The following DDAH1 variants were observed in gnomAD, a reference collection of about 807,000 sequenced individuals.
The protein encoded by DDAH1 is N(G),N(G)-dimethylarginine dimethylaminohydrolase 1.
In DDAH1, 19 loss-of-function variants were observed where a neutral mutation model predicts 28.8. That is an observed-to-expected ratio of 0.66 (90% CI 0.46 to 0.97). The LOEUF is 0.97. DDAH1 is among the 50% of genes least tolerant of loss of function. The pLI is 0.00. For synonymous variants in DDAH1, 153 were observed against 154.4 expected, an observed-to-expected ratio of 0.99 and a Z score of 0.07; for missense variants, 326 against 375.9, an observed-to-expected ratio of 0.87 and a Z score of 1.10.
intron 1 of DDAH1, among the ~76,000 whole-genome samples, chr1:85,570,934 A>G (rs1659437478): frequency 6.6e-6 from 1 of 152,204 alleles, no homozygotes. Context: ...AACTCAAGGA[A>G]TTAGGACTGT....
intron 4 of DDAH1, among the ~76,000 whole-genome samples, chr1:85,344,444 G>A (rs1254710877): frequency 6.6e-6 from 1 of 152,190 alleles, no homozygotes; most frequent in Non-Finnish European, 1.5e-5. Flanking sequence ...GCACAGTCCT[G>A]TAGCCGGTCA....
intron 2 of DDAH1, among the ~76,000 whole-genome samples, chr1:85,475,289 T>TCAACAAAC (rs1229654204): frequency 1.3e-5 from 2 of 152,190 alleles, no homozygotes; most frequent in African/African-American, 4.8e-5. Flanking sequence ...TAGCAAGTGC[T>TCAACAAAC]CAACAAACGT....
intron 1 of DDAH1, among the ~76,000 whole-genome samples, chr1:85,524,162 G>A (rs1157511991): frequency 6.6e-6 from 1 of 152,006 alleles, no homozygotes; most frequent in Non-Finnish European, 1.5e-5. Context: ...GGAGATAAGT[G>A]GTGTGTACAC....
intron 1 of DDAH1, among the ~76,000 whole-genome samples, chr1:85,542,110 T>A (rs1242295421): frequency 4.6e-5 from 7 of 152,214 alleles, no homozygotes; most frequent in African/African-American, 1.7e-4. Context: ...TGAAAAATCC[T>A]TTCACCTAAG....
chr1:85,509,635 A>G (rs1409315769), intron 1 of DDAH1, among the ~76,000 whole-genome samples: 2 of 152,252 alleles, frequency 1.3e-5, no homozygotes, highest in African/African-American at 2.4e-5. Flanking sequence ...AATGTAGAGA[A>G]GACCTTAAAT....
intron 2 of DDAH1, among the ~76,000 whole-genome samples, chr1:85,483,728 T>C (rs919300064): frequency 2.0e-5 from 3 of 152,174 alleles, no homozygotes; most frequent in East Asian, 1.9e-4. Flanking sequence ...GATTTCTGAA[T>C]TGCAGACCAC....
intron 1 of DDAH1, among the ~76,000 whole-genome samples, chr1:85,558,191 G>A (rs141285149): frequency 0.026 from 4,032 of 152,174 alleles, 203 homozygotes; most frequent in African/African-American, 0.091. Context: ...ATGAAACCTC[G>A]TCTCTACTTA....
In DDAH1 at chr1:85,464,568, T is replaced by C. The variant is rs1655263195; in HGVS notation, c.303+175A>G. 1.3e-6 allele frequency: 2 copies of C among 1,520,538 alleles called. No individual in the cohort carries two copies. The highest frequency in any genetic ancestry group is 1.8e-6 in the Non-Finnish European group (2 of 1,139,256). 94.2% of individuals were successfully genotyped at this position (1,520,538 alleles called of 1,614,324 possible). Reference sequence around the variant, plus strand: ...GCCGGCAGCCGGGAGGTGTGAACAATGAACTTCTCTCTGACTCTCTGACAC... The same window carrying C: ...GCCGGCAGCCGGGAGGTGTGAACAACGAACTTCTCTCTGACTCTCTGACAC... On this transcript the variant is annotated intron_variant, in intron 1 of 5. Transcript: ENST00000284031. The surrounding 1 kb of genome is among the most constrained non-coding windows in gnomAD (Gnocchi z 4.4).
At chr1:85,437,758 T>C (rs879827840) in intron 1 of DDAH1, among the ~76,000 whole-genome samples, 1 of 152,230 alleles carries the variant, frequency 6.6e-6, no homozygotes, top group Non-Finnish European at 1.5e-5. Flanking sequence ...AGTTATAAAA[T>C]TTTAATAAAC....
chr1:85,353,769 T>C (rs1400542615), intron 2 of DDAH1, among the ~76,000 whole-genome samples: 4 of 152,040 alleles, frequency 2.6e-5, no homozygotes, highest in Non-Finnish European at 5.9e-5. Flanking sequence ...GCAAAAAAAA[T>C]ACTGATTTCT....
chr1:85,472,288 C>T (rs1655643782), intron 2 of DDAH1, among the ~76,000 whole-genome samples: 1 of 152,160 alleles, frequency 6.6e-6, no homozygotes, highest in Non-Finnish European at 1.5e-5. Context: ...GGCTTCCTTG[C>T]TCAGTTTATT....
chr1:85,318,850 AATACAC>A lies in DDAH1; in HGVS notation c.*2596_*2601del, dbSNP rs1483183202. ...TTCAGAGTAGCTGAAAAGACCAATCAATACACATTAGAAAGATCTGCCTGATTTCTA... is the reference window on the plus strand; with the variant it reads ...TTCAGAGTAGCTGAAAAGACCAATCAATTAGAAAGATCTGCCTGATTTCTA... On this transcript the variant is annotated 3_prime_UTR_variant, in exon 6 of 6. Coordinates refer to ENST00000284031, the MANE Select transcript of DDAH1 (RefSeq NM_012137.4). 2.6e-5 allele frequency: 4 copies of A among 152,334 alleles called. No homozygotes were observed. Among genetic ancestry groups the A allele is most frequent in the Admixed American group, 6.5e-5 (1 of 15,286 alleles). 9.4% of individuals were successfully genotyped at this position (152,334 alleles called of 1,614,324 possible). A position where few individuals can be genotyped will look rare whatever the true frequency, so the allele number is the denominator to read the frequency against.
chr1:85,479,320 CCCG>C (rs1163672752), intron 2 of DDAH1, among the ~76,000 whole-genome samples: 3 of 151,006 alleles, frequency 2.0e-5, no homozygotes, highest in Non-Finnish European at 4.4e-5. Context: ...ACTACAGGCG[CCCG>C]CCACCGCGCC....
intron 1 of DDAH1, chr1:85,399,052 A>G (rs936909854): frequency 2.6e-5 from 4 of 152,250 alleles, no homozygotes; most frequent in African/African-American, 9.6e-5. Context: ...ATGAATAGGG[A>G]GAAATCTGTG....
At chr1:85,439,713 C>A (rs536066186) in intron 1 of DDAH1, among the ~76,000 whole-genome samples, 6 of 152,082 alleles carry the variant, frequency 3.9e-5, no homozygotes, top group Non-Finnish European at 7.4e-5. Flanking sequence ...CTATTAGGAC[C>A]CAGGCACAAT....
rs3058874 is a variant in DDAH1, at chr1:85,526,272, TTCTC to T, written c.-122-29995_-122-29992del. Among the ~76,000 whole-genome samples, 14 of 152,332 alleles carry T rather than the reference TTCTC, an allele frequency of 9.2e-5. No homozygotes were observed. The East Asian group carries it at 2.7e-3, about 29-fold the overall frequency. On this transcript the variant is annotated intron_variant, in intron 1 of 6. Transcript: ENST00000426972. ...TTATTCCTGAAGCTAATAGCTTTCC[TTCTC>T]TCTCTAATACTATATGTTTGCAGTG... is the stretch of plus-strand genomic sequence containing the variant.
chr1:85,498,031 A>T (rs80151387), intron 1 of DDAH1, among the ~76,000 whole-genome samples: 4,190 of 152,302 alleles, frequency 0.028, 202 homozygotes, highest in African/African-American at 0.094. Flanking sequence ...AAGGAAATAT[A>T]TCTCTTCAAA....
chr1:85,464,959 C>T lies in DDAH1; in HGVS notation c.87G>A (p.Ala29=). The T allele has an allele frequency of 6.7e-7, 1 of 1,491,762 alleles. No homozygotes were observed. Among genetic ancestry groups the T allele is most frequent in the Non-Finnish European group, 8.9e-7 (1 of 1,127,620 alleles). 92.4% of individuals were successfully genotyped at this position (1,491,762 alleles called of 1,614,324 possible). The change falls in exon 1 of 6, where the codon GCG becomes GCA. Residue 29 remains alanine, a synonymous_variant. Transcript: ENST00000284031. The surrounding 1 kb of genome is among the most constrained non-coding windows in gnomAD (Gnocchi z 4.4). ...RALPESLGQH[A]LRSAKGEEVD... ...CCTCCTCGCCCTTGGCGCTTCTCAG[C>T]GCGTGCTGGCCGAGCGACTCGGGTA...
chr1:85,465,934 G>T (rs1655363300), upstream of DDAH1, among the ~76,000 whole-genome samples: 1 of 152,204 alleles, frequency 6.6e-6, no homozygotes, highest in Non-Finnish European at 1.5e-5. Flanking sequence ...TTCTTCCTGT[G>T]TGGTCTGACC....
Sources: allele counts gnomAD v4.1 joint callset (sites outside exome capture counted in the v4.1 genomes callset), GRCh38; gene constraint gnomAD v4.1.1; non-coding constraint Gnocchi (gnomAD v3.1); transcripts MANE v1.5; gene names NCBI Gene and HGNC (gene_info 2026-07-23, HGNC 2026-07-21).